CD200R1L: variants seen among roughly 807,000 people sequenced by gnomAD.
The protein encoded by CD200R1L is CD200 receptor 1 like.
CD200R1L carries 14 observed loss-of-function variants against 24.8 expected under a neutral mutation model. The ratio of observed to expected loss-of-function variants is 0.56; its 90% CI spans 0.37 to 0.88. The LOEUF (loss-of-function observed/expected upper bound fraction) is 0.88, where lower values mean the gene tolerates loss of function less well. Among genes scored for constraint, CD200R1L ranks in the 40% least tolerant of loss-of-function variants. The pLI, the probability that CD200R1L is intolerant of heterozygous loss-of-function variation, is 0.00. For missense variants in CD200R1L, 299 were observed against 297.8 expected (o/e 1.00, Z -0.03); for synonymous variants, 111 against 109.2 (o/e 1.02, Z -0.11).
chr3:112,828,508 A>C (rs888397720), intron 4 of CD200R1L, among the ~76,000 whole-genome samples: 2 of 152,140 alleles, frequency 1.3e-5, no homozygotes, highest in African/African-American at 4.8e-5. Context: ...ATCATGAAAA[A>C]GTTTTATTGC....
At chr3:112,824,885 T>C (rs1938621434) in intron 6 of CD200R1L, among the ~76,000 whole-genome samples, 1 of 152,084 alleles carries the variant, frequency 6.6e-6, no homozygotes, top group African/African-American at 2.4e-5. Flanking sequence ...CAACAGGAAT[T>C]GATCAAATGC....
intron 4 of CD200R1L, among the ~76,000 whole-genome samples, chr3:112,828,978 G>C (rs1938732880): frequency 6.6e-6 from 1 of 152,182 alleles, no homozygotes; most frequent in Non-Finnish European, 1.5e-5. Context: ...GGTGTCACCT[G>C]TCTCTTATGT....
chr3:112,845,552 TAC>T, intron 2 of CD200R1L, 125 bp downstream of exon 2: 1 of 744,454 alleles, frequency 1.3e-6, no homozygotes, highest in African/African-American at 1.8e-5. Context: ...CTGGATAATG[TAC>T]ACATTTATCA....
intron 2 of CD200R1L, among the ~76,000 whole-genome samples, chr3:112,842,453 G>T (rs565339946): frequency 1.6e-4 from 25 of 152,298 alleles, no homozygotes; most frequent in Admixed American, 1.6e-3. Flanking sequence ...CAAATTGACT[G>T]TAAAACATGT....
At chr3:112,818,097 C>T (rs1938439973) in intron 7 of CD200R1L, among the ~76,000 whole-genome samples, 1 of 152,180 alleles carries the variant, frequency 6.6e-6, no homozygotes, top group Non-Finnish European at 1.5e-5. Flanking sequence ...CGTGAGAATT[C>T]TGGGAGATAC....
intron 2 of CD200R1L, among the ~76,000 whole-genome samples, chr3:112,839,095 A>T (rs1165775492): frequency 2.0e-5 from 3 of 152,146 alleles, no homozygotes; most frequent in Non-Finnish European, 4.4e-5. Flanking sequence ...ATAAATATAC[A>T]TACTTTCCAT....
At position 112,827,388 on chromosome 3, in the gene CD200R1L, C is replaced by T. The variant is rs776768241; in HGVS notation, c.346G>A (p.Gly116Arg). ...TTACCTAACACTTGGAGGTGATATC[C>T]ACGATGGAAATTCCCATCAGGTGTT... ...VVTPDGNFHR[G>R]YHLQVLVTPE... Residue 116 changes from glycine to arginine, a missense_variant, in exon 5 of 8, where the codon GGA becomes AGA. By Grantham distance (125) the Gly-to-Arg change is moderately radical. Coordinates refer to ENST00000488794, the MANE Select transcript of CD200R1L (RefSeq NM_001199215.3). The T allele has an allele frequency of 1.1e-5, 17 of 1,613,586 alleles. No homozygotes were observed. Among genetic ancestry groups the T allele is most frequent in the Non-Finnish European group, 1.4e-5 (16 of 1,179,832 alleles).
intron 2 of CD200R1L, among the ~76,000 whole-genome samples, chr3:112,841,533 C>G (rs1372565987): frequency 6.6e-6 from 1 of 152,214 alleles, no homozygotes; most frequent in Non-Finnish European, 1.5e-5. Context: ...CAAAACACAG[C>G]CATATGCAGT....
intron 7 of CD200R1L, among the ~76,000 whole-genome samples, chr3:112,819,261 G>A (rs1004941976): frequency 5.3e-5 from 8 of 152,180 alleles, no homozygotes; most frequent in African/African-American, 1.9e-4. Flanking sequence ...AACCATGTTA[G>A]TAACTATCAC....
intron 3 of CD200R1L, among the ~76,000 whole-genome samples, chr3:112,836,604 G>C (rs146517839): frequency 6.6e-6 from 1 of 152,316 alleles, no homozygotes; most frequent in East Asian, 1.9e-4. Flanking sequence ...AGGATGTTTT[G>C]TAAGTCAACA....
chr3:112,833,529 C>T (rs1177480773), intron 3 of CD200R1L, among the ~76,000 whole-genome samples: 1 of 152,192 alleles, frequency 6.6e-6, no homozygotes, highest in Non-Finnish European at 1.5e-5. Flanking sequence ...GCTCCTAAAA[C>T]AACCCATTAT....
In CD200R1L at chr3:112,827,018, CTT is replaced by C; in HGVS notation, c.589_590del (p.Lys197GlufsTer76). The C allele has an allele frequency of 6.2e-7, 1 of 1,611,796 alleles. No individual in the cohort carries two copies. The highest frequency in any genetic ancestry group is 8.5e-7 in the Non-Finnish European group (1 of 1,179,606). On this transcript the variant is annotated frameshift_variant, in exon 6 of 8. Transcript: ENST00000488794. LOFTEE classifies it high-confidence loss of function. ...TCHVSHLTGN[K>X]SLSVKLNSGL... is the part of the protein sequence containing the mutation. ...CTGAATTCAACTTTACGGACAGACT[CTT>C]GTTGCCAGTCAAATGGGAGACATGG... is the stretch of plus-strand genomic sequence containing the variant.
intron 5 of CD200R1L, 57 bp downstream of exon 5, chr3:112,827,309 AT>A: frequency 6.3e-7 from 1 of 1,589,330 alleles, no homozygotes; most frequent in Non-Finnish European, 8.6e-7. Context: ...TCAGAGAGAC[AT>A]TTGTTTCAGT....
intron 3 of CD200R1L, among the ~76,000 whole-genome samples, chr3:112,830,477 C>T (rs1229287859): frequency 2.8e-5 from 4 of 145,392 alleles, no homozygotes; most frequent in African/African-American, 7.7e-5. Context: ...TGGAGGCCTA[C>T]GTTATACTCT....
chr3:112,837,741 T>G (rs987815683), intron 3 of CD200R1L, among the ~76,000 whole-genome samples: 1 of 151,822 alleles, frequency 6.6e-6, no homozygotes, highest in African/African-American at 2.4e-5. Context: ...GCTTCTATTT[T>G]TGTGTGCTAC....
chr3:112,837,018 G>A (rs1045387871), intron 3 of CD200R1L, among the ~76,000 whole-genome samples: 2 of 152,032 alleles, frequency 1.3e-5, no homozygotes, highest in Non-Finnish European at 2.9e-5. Context: ...GCAATCTAAG[G>A]CCACACATTT....
At chr3:112,820,190 A>G (rs1415590406) in intron 6 of CD200R1L, among the ~76,000 whole-genome samples, 1 of 152,228 alleles carries the variant, frequency 6.6e-6, no homozygotes, top group Non-Finnish European at 1.5e-5. Context: ...CAATATGTCA[A>G]GCTTTCCCCT....
At chr3:112,835,669 A>G (rs1340730621) in intron 3 of CD200R1L, among the ~76,000 whole-genome samples, 2 of 152,188 alleles carry the variant, frequency 1.3e-5, no homozygotes, top group African/African-American at 4.8e-5. Context: ...GCTGCTCTTC[A>G]TGGTGTCCAT....
intron 2 of CD200R1L, among the ~76,000 whole-genome samples, chr3:112,838,639 A>G (rs1939015318): frequency 6.6e-6 from 1 of 152,224 alleles, no homozygotes; most frequent in Non-Finnish European, 1.5e-5. Context: ...TTTACGGCTC[A>G]TTTAATGGTC....
Sources: allele counts gnomAD v4.1 joint callset (sites outside exome capture counted in the v4.1 genomes callset), GRCh38; gene constraint gnomAD v4.1.1; transcripts MANE v1.5; gene names NCBI Gene and HGNC (gene_info 2026-07-23, HGNC 2026-07-21).